Variants in PPP2R5A observed in about 807,000 individuals in gnomAD.
The protein encoded by PPP2R5A is protein phosphatase 2 regulatory subunit B'alpha, also known as serine/threonine-protein phosphatase 2A 56 kDa regulatory subunit alpha isoform.
Under a neutral mutation model 64.2 loss-of-function variants are expected in PPP2R5A, and 25 were observed. The ratio of observed to expected loss-of-function variants is 0.39; its 90% CI spans 0.28 to 0.54. The LOEUF (loss-of-function observed/expected upper bound fraction) is 0.54. PPP2R5A is among the 20% of genes least tolerant of loss of function. The pLI is 0.67. For synonymous variants in PPP2R5A, 198 were observed against 201.2 expected, an observed-to-expected ratio of 0.98 and a Z score of 0.13; for missense variants, 425 against 576.3, an observed-to-expected ratio of 0.74 and a Z score of 2.69.
At chr1:212,322,229 A>AGAGGGAGAG (rs1316650717) in intron 1 of PPP2R5A, among the ~76,000 whole-genome samples, 6 of 105,366 alleles carry the variant, frequency 5.7e-5, no homozygotes, top group African/African-American at 2.5e-4. Context: ...GGGGAGAGGG[A>AGAGGGAGAG]GAGGGAGAGG....
intron 7 of PPP2R5A, 34 bp downstream of exon 7, chr1:212,348,531 A>G (rs371628938): frequency 7.3e-6 from 10 of 1,373,656 alleles, no homozygotes; most frequent in East Asian, 2.3e-5. Flanking sequence ...TGAAATGAAT[A>G]TTATTTCAAA....
chr1:212,302,927 C>G (rs1232314423), intron 1 of PPP2R5A, among the ~76,000 whole-genome samples: 1 of 152,216 alleles, frequency 6.6e-6, no homozygotes, highest in African/African-American at 2.4e-5. Context: ...GTTAGTACTT[C>G]ATTCCTTTTT....
intron 9 of PPP2R5A, 111 bp from the exon 10 acceptor site, chr1:212,356,839 C>CT: frequency 7.9e-7 from 1 of 1,265,764 alleles, no homozygotes; most frequent in African/African-American, 1.5e-5. Context: ...GCCATCCAGA[C>CT]ATTTTTTTGC....
At chr1:212,325,434 G>A (rs1659388673) in intron 1 of PPP2R5A, among the ~76,000 whole-genome samples, 1 of 152,150 alleles carries the variant, frequency 6.6e-6, no homozygotes, top group South Asian at 2.1e-4. Flanking sequence ...GAATAAGAGG[G>A]CTGGTTTCAT....
intron 4 of PPP2R5A, among the ~76,000 whole-genome samples, chr1:212,342,927 C>G (rs1659709874): frequency 1.3e-5 from 2 of 151,440 alleles, no homozygotes; most frequent in Non-Finnish European, 2.9e-5. Context: ...TATTCATTTT[C>G]AAAACCTTTT....
At chr1:212,360,190 TAGTGGCTAGAGA>T (rs1660054101) in intron 12 of PPP2R5A, among the ~76,000 whole-genome samples, 1 of 152,172 alleles carries the variant, frequency 6.6e-6, no homozygotes, top group Admixed American at 6.5e-5. Context: ...ACAAACTGGT[TAGTGGCTAGAGA>T]TGTGGCTGTT....
chr1:212,354,543 A>G (rs991329206), intron 8 of PPP2R5A, among the ~76,000 whole-genome samples: 47 of 149,732 alleles, frequency 3.1e-4, no homozygotes, highest in African/African-American at 1.2e-3. Context: ...AATTAGCCAG[A>G]TGTGGTGGCA....
At chr1:212,342,165 C>T (rs755815591) in intron 3 of PPP2R5A, 23 bp from the exon 4 acceptor site, 3 of 1,609,386 alleles carry the variant, frequency 1.9e-6, no homozygotes, top group Non-Finnish European at 1.7e-6. Flanking sequence ...TCATCTTAGC[C>T]TTTATTTGAC....
chr1:212,321,385 C>T (rs1659288303), intron 1 of PPP2R5A, among the ~76,000 whole-genome samples: 1 of 151,838 alleles, frequency 6.6e-6, no homozygotes, highest in South Asian at 2.1e-4. Flanking sequence ...CCACCTCCCT[C>T]CCAGACGGGG....
At chr1:212,287,175 G>C (rs922145962) in intron 1 of PPP2R5A, among the ~76,000 whole-genome samples, 3 of 152,146 alleles carry the variant, frequency 2.0e-5, no homozygotes, top group Non-Finnish European at 4.4e-5. Context: ...GAGGATTTTC[G>C]ATGTTATTTC....
intron 11 of PPP2R5A, chr1:212,357,487 T>C (rs929600950): frequency 2.3e-6 from 1 of 442,094 alleles, no homozygotes; most frequent in African/African-American, 2.0e-5. Context: ...TATGTGGTCT[T>C]AATGTCAATT....
chr1:212,297,694 T>C (rs1293074962), intron 1 of PPP2R5A: 4 of 152,216 alleles, frequency 2.6e-5, no homozygotes, highest in African/African-American at 9.6e-5. Flanking sequence ...AAATGCTTCA[T>C]TGATCTTCTT....
intron 1 of PPP2R5A, among the ~76,000 whole-genome samples, chr1:212,290,871 T>A (rs973524213): frequency 4.6e-5 from 7 of 152,236 alleles, no homozygotes; most frequent in African/African-American, 1.7e-4. Context: ...CATTTTCACC[T>A]GCAAGAATAA....
chr1:212,354,674 A>C (rs1241033907), intron 8 of PPP2R5A, among the ~76,000 whole-genome samples: 1 of 151,668 alleles, frequency 6.6e-6, no homozygotes, highest in Non-Finnish European at 1.5e-5. Context: ...ATGTCACTAC[A>C]CTCCAGCCTA....
intron 8 of PPP2R5A, among the ~76,000 whole-genome samples, chr1:212,350,512 G>A (rs1365233845): frequency 6.6e-6 from 1 of 152,004 alleles, no homozygotes; most frequent in East Asian, 1.9e-4. Context: ...AAATTAGCTG[G>A]GCATGGTGGC....
At chr1:212,296,242 T>C (rs1026479987) in intron 1 of PPP2R5A, among the ~76,000 whole-genome samples, 1 of 151,486 alleles carries the variant, frequency 6.6e-6, no homozygotes, top group African/African-American at 2.4e-5. Context: ...GAATCAGGTA[T>C]AGAGGGAAAA....
In PPP2R5A at chr1:212,333,500, A is replaced by G; in HGVS notation, c.382A>G (p.Ser128Gly). The G allele has an allele frequency of 6.5e-7, 1 of 1,537,214 alleles. No individual in the cohort carries two copies. The highest frequency in any genetic ancestry group is 1.2e-5 in the South Asian group (1 of 81,146). Residue 128 changes from serine to glycine, a missense_variant, in exon 3 of 13, where the codon AGT becomes GGT. Physicochemically the swap from Ser to Gly is moderately conservative, Grantham distance 56. Transcript: ENST00000261461. The stretch of plus-strand genomic sequence containing the variant: ...TAAAATTATTTTTTCTTTACAGATC[A>G]GTGCTAACATCTTCCGTACACTTCC... ...SAYSDIVKMI[S>G]ANIFRTLPPS...
intron 7 of PPP2R5A, among the ~76,000 whole-genome samples, chr1:212,348,700 C>T (rs944808698): frequency 3.3e-5 from 5 of 152,186 alleles, no homozygotes; most frequent in Non-Finnish European, 5.9e-5. Flanking sequence ...TCTACACTTA[C>T]AGTTTAAGAT....
chr1:212,303,608 T>G (rs1658839742), intron 1 of PPP2R5A, among the ~76,000 whole-genome samples: 1 of 152,218 alleles, frequency 6.6e-6, no homozygotes, highest in Non-Finnish European at 1.5e-5. Flanking sequence ...CTAAGGATCC[T>G]TTCCCAGATA....
Sources: gnomAD v4.1 joint callset for allele counts (sites outside exome capture counted in the v4.1 genomes callset) on GRCh38, gnomAD v4.1.1 for gene constraint, MANE v1.5 for transcripts, NCBI Gene and HGNC (gene_info 2026-07-23, HGNC 2026-07-21) for gene names.